The following NAV2 variants were observed in gnomAD, a reference collection of about 807,000 sequenced individuals.
NAV2 encodes the protein helicase, APC down-regulated 1.
NAV2 carries 54 observed loss-of-function variants against 223.2 expected under a neutral mutation model. The observed-to-expected ratio is 0.24, with a 90% CI of 0.19 to 0.30. The LOEUF is 0.30. Among genes scored for constraint, NAV2 ranks in the 10% least tolerant of loss-of-function variants. NAV2 has a pLI of 1.00. For synonymous variants in NAV2, 1,279 were observed against 1,239.3 expected, an observed-to-expected ratio of 1.03 and a Z score of -0.67; for missense variants, 2,806 against 3,147.5, an observed-to-expected ratio of 0.89 and a Z score of 2.60.
intron 11 of NAV2, among the ~76,000 whole-genome samples, chr11:20,019,052 T>G (rs2054259918): frequency 6.6e-6 from 1 of 152,324 alleles, no homozygotes; most frequent in African/African-American, 2.4e-5. Context: ...AATTTTATTC[T>G]AAGTTCCCTG....
At chr11:20,109,409 A>G (rs979381262) in intron 36 of NAV2, among the ~76,000 whole-genome samples, 1 of 152,254 alleles carries the variant, frequency 6.6e-6, no homozygotes, top group African/African-American at 2.4e-5. Flanking sequence ...AGATCTTTGC[A>G]GTAGAACCTC....
intron 1 of NAV2, among the ~76,000 whole-genome samples, chr11:19,773,537 T>C (rs2055887168): frequency 6.6e-6 from 1 of 152,168 alleles, no homozygotes; most frequent in Non-Finnish European, 1.5e-5. Flanking sequence ...CAGACCTTCA[T>C]AAGCATTGTT....
chr11:19,957,692 T>C (rs999791773), intron 10 of NAV2, among the ~76,000 whole-genome samples: 4 of 152,188 alleles, frequency 2.6e-5, no homozygotes, highest in African/African-American at 9.7e-5. Context: ...GCTAGCCCAC[T>C]GGAGGAGGAG....
chr11:19,916,232 A>G (rs181145405), intron 6 of NAV2, among the ~76,000 whole-genome samples: 1 of 152,340 alleles, frequency 6.6e-6, no homozygotes, highest in African/African-American at 2.4e-5. Flanking sequence ...ATTTAACTGG[A>G]AGATAAATTA....
intron 1 of NAV2, among the ~76,000 whole-genome samples, chr11:19,372,386 T>A (rs1459663881): frequency 6.6e-6 from 1 of 152,224 alleles, no homozygotes; most frequent in African/African-American, 2.4e-5. Flanking sequence ...TGCTGCCCCA[T>A]CCACTGGGCT....
At chr11:19,655,561 C>CA (rs1398856740) in intron 1 of NAV2, among the ~76,000 whole-genome samples, 1 of 151,518 alleles carries the variant, frequency 6.6e-6, no homozygotes, top group Non-Finnish European at 1.5e-5. Flanking sequence ...ACTATGCAGC[C>CA]AAAAAAAGGA....
chr11:19,770,821 GGT>G lies in NAV2; in HGVS notation c.267+56860_267+56861del, dbSNP rs1220101819. Among the ~76,000 whole-genome samples the G allele has an allele frequency of 2.3e-4, 35 of 152,202 alleles. 1 individual carries two copies. In the South Asian group the frequency reaches 3.1e-3, roughly 14 times the overall value. ...TTCACTCTCCAAAAGCTCTCCTTCTGGTAATACTTAAAAGAAAATGTCAAGTA... is the reference window on the plus strand; with the variant it reads ...TTCACTCTCCAAAAGCTCTCCTTCTGAATACTTAAAAGAAAATGTCAAGTA... On this transcript the variant is annotated intron_variant, in intron 1 of 37. Transcript: ENST00000349880.
At chr11:20,004,005 A>T (rs564055685) in intron 11 of NAV2, among the ~76,000 whole-genome samples, 3 of 152,194 alleles carry the variant, frequency 2.0e-5, no homozygotes, top group Non-Finnish European at 4.4e-5. Flanking sequence ...AGAAGAAAAC[A>T]TCTTAGGAAA....
chr11:19,694,752 G>T (rs2049279353), intron 1 of NAV2, among the ~76,000 whole-genome samples: 1 of 152,182 alleles, frequency 6.6e-6, no homozygotes, highest in Non-Finnish European at 1.5e-5. Context: ...TAGGGGTGCA[G>T]GGACCACCCA....
At chr11:19,659,265 TTGG>T (rs1381168580) in intron 1 of NAV2, among the ~76,000 whole-genome samples, 1 of 152,026 alleles carries the variant, frequency 6.6e-6, no homozygotes, top group Non-Finnish European at 1.5e-5. Context: ...GCAGAAAAAC[TTGG>T]TGAAGACTGA....
intron 6 of NAV2, among the ~76,000 whole-genome samples, chr11:19,913,638 T>C (rs1183396862): frequency 6.6e-6 from 1 of 152,208 alleles, no homozygotes; most frequent in Non-Finnish European, 1.5e-5. Context: ...AGGATGAGAC[T>C]TCGAGGCACA....
Position 19,370,812 on chromosome 11 carries a change from G to C in NAV2, c.75+19785G>C, listed in dbSNP as rs150644691. 8.2e-3 allele frequency among the ~76,000 whole-genome samples: 1,254 copies of C among 152,280 alleles called. 39 individuals carry two copies. Among genetic ancestry groups the C allele is most frequent in the Admixed American group, 0.029 (445 of 15,294 alleles). ...CTTTGTTGACAGCTAATGCTAAGGG[G>C]ACATGCACCAGGAGACATGGCTTCC... is the stretch of plus-strand genomic sequence containing the variant. On this transcript the variant is annotated intron_variant, in intron 1 of 37. Coordinates refer to the NAV2 transcript ENST00000360655.
chr11:19,792,169 G>A (rs780445430), intron 1 of NAV2, among the ~76,000 whole-genome samples: 5 of 152,208 alleles, frequency 3.3e-5, no homozygotes, highest in Non-Finnish European at 5.9e-5. Flanking sequence ...CCTCTTTTCT[G>A]CATGTCTCTC....
intron 11 of NAV2, among the ~76,000 whole-genome samples, chr11:20,024,448 G>A (rs1472687178): frequency 6.6e-6 from 1 of 152,128 alleles, no homozygotes; most frequent in Non-Finnish European, 1.5e-5. Context: ...CTGGAACTCT[G>A]GGTCTGCTTC....
chr11:20,082,941 C>G (rs908569999), intron 25 of NAV2, 66 bp from the exon 26 acceptor site: 1 of 1,438,104 alleles, frequency 7.0e-7, no homozygotes, highest in African/African-American at 1.4e-5. Flanking sequence ...GTGTGCATGT[C>G]TCTGTTTTGC....
chr11:19,861,198 A>G (rs546698196), intron 3 of NAV2, among the ~76,000 whole-genome samples: 13 of 152,322 alleles, frequency 8.5e-5, no homozygotes, highest in Admixed American at 2.6e-4. Context: ...TGGGAAGCCA[A>G]TGTCAGTCCC....
intron 10 of NAV2, among the ~76,000 whole-genome samples, chr11:19,962,994 TA>T (rs938443708): frequency 2.0e-5 from 3 of 152,288 alleles, no homozygotes; most frequent in Non-Finnish European, 4.4e-5. Context: ...CAGTGAAGTT[TA>T]AAGGGTGAAG....
At chr11:19,976,710 T>G (rs2568120) in intron 10 of NAV2, among the ~76,000 whole-genome samples, 151,059 of 152,350 alleles carry the variant, frequency 0.99, 74,904 homozygotes, top group East Asian at 1. Flanking sequence ...CCAGAGGATT[T>G]ATCTGGGTTT....
intron 1 of NAV2, among the ~76,000 whole-genome samples, chr11:19,556,788 T>A (rs1456109005): frequency 6.6e-6 from 1 of 152,206 alleles, no homozygotes; most frequent in Non-Finnish European, 1.5e-5. Flanking sequence ...TTTCTGTCAG[T>A]GACAAAGTTG....
Sources: allele counts gnomAD v4.1 joint callset (sites outside exome capture counted in the v4.1 genomes callset), GRCh38; gene constraint gnomAD v4.1.1; transcripts MANE v1.5; gene names NCBI Gene and HGNC (gene_info 2026-07-23, HGNC 2026-07-21).